The following PRKRIP1 variants were observed in gnomAD, a reference collection of about 807,000 sequenced individuals.
PRKRIP1 encodes the protein PRKR interacting protein 1.
In PRKRIP1, 29 loss-of-function variants were observed where a neutral mutation model predicts 29.3. The observed-to-expected ratio is 0.99, with a 90% CI of 0.74 to 1.35. The LOEUF is 1.35. Ranked by LOEUF, PRKRIP1 falls within the 40% of genes most tolerant of loss-of-function variation. The probability of loss-of-function intolerance (pLI) is 0.00; values close to 1 mark genes in which losing one functional copy is unlikely to be tolerated. For synonymous variants in PRKRIP1, 90 were observed against 85.1 expected (o/e 1.06, Z -0.32); for missense variants, 247 against 236.8 (o/e 1.04, Z -0.28).
rs782066887 is a variant in PRKRIP1, at chr7:102,399,621, G to C, written c.279G>C (p.Gln93His). ...RHLRRREYQR[Q>H]DYMDAMAEKQ... The stretch of plus-strand genomic sequence containing the variant: ...TGCGCCGGAGAGAATATCAGCGACA[G>C]GACTACATGGATGCCATGGCTGAGA... Residue 93 changes from glutamine to histidine, a missense_variant, in exon 3 of 6, where the codon CAG (glutamine) becomes CAC (histidine). Gln to His is a conservative substitution (Grantham distance 24). Transcript: ENST00000397912. The C allele has an allele frequency of 6.2e-7, 1 of 1,614,016 alleles. No homozygotes were observed.
At position 102,425,108 on chromosome 7, in the gene PRKRIP1, A is replaced by G; in HGVS notation, c.552A>G (p.Arg184=). 1 of 1,611,756 alleles carries G rather than the reference A, an allele frequency of 6.2e-7. No individual in the cohort carries two copies. Among genetic ancestry groups the G allele is most frequent in the Non-Finnish European group, 8.5e-7 (1 of 1,179,780 alleles). The change falls in exon 6 of 6, where the codon CGA becomes CGG. Residue 184 remains arginine, a synonymous_variant. Coordinates refer to ENST00000397912, the MANE Select transcript of PRKRIP1 (RefSeq NM_024653.4). The part of the protein sequence containing the change: ...EEEVPSFTMG[R] ...AAGTGCCCAGTTTCACCATGGGGCG[A>G]TGACAATGTTTGCCACAGCCTCTGC...
chr7:102,420,058 G>T (rs1455990346), intron 5 of PRKRIP1, among the ~76,000 whole-genome samples: 4 of 152,086 alleles, frequency 2.6e-5, no homozygotes, highest in African/African-American at 9.7e-5. Context: ...GCTAATTTTT[G>T]TATTTTTAGT....
intron 5 of PRKRIP1, among the ~76,000 whole-genome samples, chr7:102,411,999 G>A (rs1554572590): frequency 6.6e-6 from 1 of 151,962 alleles, no homozygotes; most frequent in Non-Finnish European, 1.5e-5. Flanking sequence ...CTGGAGTGCA[G>A]TGGCGTGATC....
intron 5 of PRKRIP1, 53 bp downstream of exon 5, chr7:102,407,551 A>G: frequency 7.4e-7 from 1 of 1,357,936 alleles, no homozygotes; most frequent in Non-Finnish European, 1.1e-6. Context: ...TGTTGGTCAC[A>G]GTGGCTGAAC....
At chr7:102,420,083 G>A (rs1043041086) in intron 5 of PRKRIP1, among the ~76,000 whole-genome samples, 47 of 152,088 alleles carry the variant, frequency 3.1e-4, no homozygotes, top group African/African-American at 1.0e-3. Flanking sequence ...ATGGGTTTTC[G>A]CCGTGTTGGC....
At chr7:102,424,396 A>T (rs902456392) in intron 5 of PRKRIP1, among the ~76,000 whole-genome samples, 6 of 152,020 alleles carry the variant, frequency 3.9e-5, no homozygotes, top group Non-Finnish European at 7.4e-5. Context: ...TGCCTTTCCA[A>T]CTCTCACTTG....
intron 3 of PRKRIP1, among the ~76,000 whole-genome samples, chr7:102,402,227 G>C (rs538781672): frequency 1.4e-4 from 21 of 152,182 alleles, no homozygotes; most frequent in African/African-American, 5.1e-4. Context: ...AAGATCACTT[G>C]AGCCCAGGAG....
intron 2 of PRKRIP1, 97 bp downstream of exon 2, chr7:102,397,795 C>T (rs369554214): frequency 8.5e-7 from 1 of 1,179,688 alleles, no homozygotes; most frequent in Non-Finnish European, 1.2e-6. Flanking sequence ...CCTCTAATCC[C>T]AGCACTTTGG....
chr7:102,423,263 C>T (rs919068374), intron 5 of PRKRIP1: 3 of 409,450 alleles, frequency 7.3e-6, no homozygotes, highest in Admixed American at 2.8e-5. Context: ...TACAGGCGCC[C>T]GCCACCACGC....
chr7:102,410,978 T>C (rs190557176), intron 5 of PRKRIP1, among the ~76,000 whole-genome samples: 10 of 152,318 alleles, frequency 6.6e-5, no homozygotes, highest in African/African-American at 2.4e-4. Context: ...CAGGCTGGAG[T>C]GCAGCAGTGC....
intron 5 of PRKRIP1, among the ~76,000 whole-genome samples, chr7:102,415,604 A>G (rs1203377620): frequency 6.6e-6 from 1 of 152,238 alleles, no homozygotes; most frequent in Non-Finnish European, 1.5e-5. Flanking sequence ...AATACCCAAG[A>G]TCACGGAATG....
intron 3 of PRKRIP1, among the ~76,000 whole-genome samples, chr7:102,403,113 G>C (rs1796116708): frequency 6.6e-6 from 1 of 152,196 alleles, no homozygotes; most frequent in Admixed American, 6.6e-5. Flanking sequence ...GACCTCAGGT[G>C]ATCTGCCCAC....
At position 102,425,277 on chromosome 7, in the gene PRKRIP1, G is replaced by A. The variant is rs1214498085; in HGVS notation, c.*166G>A. 28 of 1,413,906 alleles carry A rather than the reference G, an allele frequency of 2.0e-5. No individual in the cohort carries two copies. Among genetic ancestry groups the A allele is most frequent in the Non-Finnish European group, 2.6e-5 (28 of 1,060,682 alleles). 87.6% of individuals were successfully genotyped at this position (1,413,906 alleles called of 1,614,324 possible). On this transcript the variant is annotated 3_prime_UTR_variant, in exon 6 of 6. Coordinates refer to ENST00000397912, the MANE Select transcript of PRKRIP1 (RefSeq NM_024653.4). ...ACAGTCCTGTATTTGGCAGGTTTGGGAGCCTGAGGGGCCATCTCCCTGACA... is the reference window on the plus strand; with the variant it reads ...ACAGTCCTGTATTTGGCAGGTTTGGAAGCCTGAGGGGCCATCTCCCTGACA...
intron 3 of PRKRIP1, among the ~76,000 whole-genome samples, chr7:102,402,113 C>T (rs1554571238): frequency 2.0e-5 from 3 of 152,174 alleles, no homozygotes; most frequent in Admixed American, 6.6e-5. Context: ...CAGGTCACTG[C>T]AGTGGGTTTG....
chr7:102,403,831 C>T (rs1408656865), intron 3 of PRKRIP1, among the ~76,000 whole-genome samples: 2 of 152,192 alleles, frequency 1.3e-5, no homozygotes, highest in African/African-American at 4.8e-5. Flanking sequence ...GTGTGCTTAG[C>T]AGCAGGTCAT....
rs1796160380 is a variant in PRKRIP1 at position 102,404,518 on chromosome 7, C to T, written c.307-80C>T. The T allele has an allele frequency of 2.6e-6, 3 of 1,140,984 alleles. No individual in the cohort carries two copies. In the African/African-American group the frequency reaches 4.6e-5, roughly 17 times the overall value. The allele number at this position is 1,140,984 out of a possible 1,614,324, so 70.7% of individuals were successfully genotyped here. A position where few individuals can be genotyped will look rare whatever the true frequency, so the allele number is the denominator to read the frequency against. ...ACCCCCAGTGGTGTGACTTCTAGAACTCTCCTACTTTGCCTGAGCAAAACC... is the reference window on the plus strand; with the variant it reads ...ACCCCCAGTGGTGTGACTTCTAGAATTCTCCTACTTTGCCTGAGCAAAACC... On this transcript the variant is annotated intron_variant, in intron 3 of 5. Coordinates refer to ENST00000397912, the MANE Select transcript of PRKRIP1 (RefSeq NM_024653.4).
chr7:102,396,698 G>C (rs549771711), intron 1 of PRKRIP1, among the ~76,000 whole-genome samples, 161 bp downstream of exon 1: 37 of 152,264 alleles, frequency 2.4e-4, no homozygotes, highest in African/African-American at 7.2e-4. Flanking sequence ...GAAGGAGGCT[G>C]TCCCGGAGAT....
At chr7:102,414,682 G>T (rs1796483158) in intron 5 of PRKRIP1, among the ~76,000 whole-genome samples, 2 of 152,080 alleles carry the variant, frequency 1.3e-5, no homozygotes, top group South Asian at 4.1e-4. Context: ...CCAGGAGTTG[G>T]GAAACCAGCC....
At chr7:102,397,031 A>G (rs924033722) in intron 1 of PRKRIP1, among the ~76,000 whole-genome samples, 2 of 151,918 alleles carry the variant, frequency 1.3e-5, no homozygotes, top group South Asian at 2.1e-4. Flanking sequence ...CTTCTTATCT[A>G]GTAGTGTTAA....
Sources: gnomAD v4.1 joint callset for allele counts (sites outside exome capture counted in the v4.1 genomes callset) on GRCh38, gnomAD v4.1.1 for gene constraint, MANE v1.5 for transcripts, NCBI Gene and HGNC (gene_info 2026-07-23, HGNC 2026-07-21) for gene names.